Variants in TFEB observed in about 807,000 individuals in gnomAD.
TFEB encodes T-cell transcription factor EB.
In TFEB, 12 loss-of-function variants were observed where a neutral mutation model predicts 48.0. The ratio of observed to expected loss-of-function variants is 0.25; its 90% CI spans 0.16 to 0.40. The LOEUF is 0.40. Ranked by LOEUF, TFEB falls within the 10% of genes least tolerant of loss-of-function variation. TFEB has a pLI of 1.00. For missense variants in TFEB, 509 were observed against 640.3 expected, an observed-to-expected ratio of 0.79 and a Z score of 2.21; for synonymous variants, 244 against 261.4, an observed-to-expected ratio of 0.93 and a Z score of 0.64.
intron 1 of TFEB, among the ~76,000 whole-genome samples, chr6:41,714,185 A>ATTTGCATGCG: frequency 6.7e-6 from 1 of 149,992 alleles, no homozygotes; most frequent in Middle Eastern, 3.4e-3. Flanking sequence ...GTGTGTGTGC[A>ATTTGCATGCG]TGTGCATGCA....
At position 41,691,114 on chromosome 6, in the gene TFEB, T is replaced by G; in HGVS notation, c.100A>C (p.Met34Leu). The G allele has an allele frequency of 6.3e-7, 1 of 1,584,082 alleles. No homozygotes were observed. Residue 34 changes from methionine (M) to leucine (L), a missense_variant, in exon 2 of 9, where the codon ATG (methionine) becomes CTG (leucine). This residue lies in a region of TFEB where 251 missense variants were observed against 317.2 expected (regional missense o/e 0.79). Transcript: ENST00000373033. This position sits in a 1 kb window ranked among gnomAD's most constrained non-coding sequence, Gnocchi z 5.2. ...TGTTGCTGCTGCTGCTGCTGCTGCA[T>G]GTAATGCATGACAGCCTGTTGCTGC... ...RMQQQAVMHY[M>L]QQQQQQQQQQ...
In TFEB at chr6:41,734,098, G is replaced by A. The variant is rs1771565221; in HGVS notation, c.-23+1252C>T. The A allele has an allele frequency of 5.6e-6, 1 of 177,486 alleles. No individual in the cohort carries two copies. Among genetic ancestry groups the A allele is most frequent in the African/African-American group, 2.4e-5 (1 of 41,902 alleles). 11.0% of individuals were successfully genotyped at this position (177,486 alleles called of 1,614,324 possible). A position where few individuals can be genotyped will look rare whatever the true frequency, so the allele number is the denominator to read the frequency against. On this transcript the variant is annotated intron_variant, in intron 1 of 8. Transcript: ENST00000373033. The surrounding 1 kb of genome is among the most constrained non-coding windows in gnomAD (Gnocchi z 4.0). ...GCAGTAATTAACCTGCACTTCCCCA[G>A]CGAGCTCTAAGCCAAAAACTGCGCT...
At chr6:41,728,734 T>A (rs1771324183) in intron 1 of TFEB, among the ~76,000 whole-genome samples, 1 of 151,606 alleles carries the variant, frequency 6.6e-6, no homozygotes, top group African/African-American at 2.4e-5. Flanking sequence ...GAACAGACTG[T>A]GAGCCCTACA....
intron 1 of TFEB, among the ~76,000 whole-genome samples, chr6:41,708,563 A>T (rs1561863588): frequency 6.6e-6 from 1 of 152,188 alleles, no homozygotes; most frequent in Non-Finnish European, 1.5e-5. Context: ...AGATGCCCAC[A>T]GTCACCTTGC....
At chr6:41,728,214 G>A (rs923474033) in intron 1 of TFEB, among the ~76,000 whole-genome samples, 1 of 152,234 alleles carries the variant, frequency 6.6e-6, no homozygotes. Flanking sequence ...GCACCTTGCG[G>A]GAGAAGCTGT....
chr6:41,732,518 T>G, intron 1 of TFEB: 3 of 928,790 alleles, frequency 3.2e-6, no homozygotes, highest in Non-Finnish European at 3.9e-6. Context: ...CTTGTTTTAT[T>G]GTTACACTCT....
At chr6:41,689,680 G>A (rs746539154) in intron 4 of TFEB, 51 bp downstream of exon 4, 1 of 1,440,584 alleles carries the variant, frequency 6.9e-7, no homozygotes, top group Non-Finnish European at 9.8e-7. Flanking sequence ...CACAGTGGGT[G>A]CCCCCCTCCC....
In TFEB at chr6:41,697,408, C is replaced by CAAAAAAAAAAAAAAAA. The variant is rs56059829; in HGVS notation, c.-22-6189_-22-6174dup. On this transcript the variant is annotated intron_variant, in intron 1 of 8. Coordinates refer to ENST00000373033, the MANE Select transcript of TFEB (RefSeq NM_001271944.2). ...GGGCAACAAGAGTGAAACTCCATCT[C>CAAAAAAAAAAAAAAAA]AAAAAAAAAAAAAAAAAAAGAATGA... Among the ~76,000 whole-genome samples the CAAAAAAAAAAAAAAAA allele has an allele frequency of 2.9e-3, 186 of 63,364 alleles. 1 individual carries two copies. Among genetic ancestry groups the CAAAAAAAAAAAAAAAA allele is most frequent in the African/African-American group, 4.7e-3 (54 of 11,514 alleles). The allele number at this position is 63,364 out of a possible 152,430, so 41.6% of individuals were successfully genotyped here. A position where few individuals can be genotyped will look rare whatever the true frequency, so the allele number is the denominator to read the frequency against.
At chr6:41,708,683 C>T (rs555006919) in intron 1 of TFEB, among the ~76,000 whole-genome samples, 1 of 152,336 alleles carries the variant, frequency 6.6e-6, no homozygotes, top group Non-Finnish European at 1.5e-5. Context: ...CACTCATATC[C>T]TTGCCTCACC....
intron 8 of TFEB, 95 bp from the exon 9 acceptor site, chr6:41,685,173 C>T: frequency 1.5e-6 from 2 of 1,331,986 alleles, no homozygotes; most frequent in Non-Finnish European, 1.9e-6. Context: ...CTTGCCCCTG[C>T]CCTACGGCAC....
At chr6:41,685,762 A>G (rs756833158) in intron 8 of TFEB, among the ~76,000 whole-genome samples, 3 of 152,212 alleles carry the variant, frequency 2.0e-5, no homozygotes, top group South Asian at 2.1e-4. Flanking sequence ...GCATTGGCCA[A>G]GCCCATTGAA....
In TFEB at chr6:41,723,347, G is replaced by C; in HGVS notation, c.-23+12003C>G. The C allele has an allele frequency of 3.6e-6, 2 of 559,602 alleles. No individual in the cohort carries two copies. Among genetic ancestry groups the C allele is most frequent in the Non-Finnish European group, 6.0e-6 (2 of 331,766 alleles). The allele number at this position is 559,602 out of a possible 1,614,324, so 34.7% of individuals were successfully genotyped here. A position where few individuals can be genotyped will look rare whatever the true frequency, so the allele number is the denominator to read the frequency against. The stretch of plus-strand genomic sequence containing the variant: ...ACCCACCTCCCCAAAGACACCACAC[G>C]CATGCACATACACTCACACAGATGC... On this transcript the variant is annotated intron_variant, in intron 1 of 8. Transcript: ENST00000373033. The surrounding 1 kb of genome is among the most constrained non-coding windows in gnomAD (Gnocchi z 6.0).
In TFEB at chr6:41,709,070, G is replaced by C. The variant is rs564080017; in HGVS notation, c.-22-17835C>G. ...AAATGCCAGTAGGACTAGAAGCCCA[G>C]CATTGCCTTCTGCCCCCAGGCTGCT... is the stretch of plus-strand genomic sequence containing the variant. On this transcript the variant is annotated intron_variant, in intron 1 of 8. Transcript: ENST00000373033. Among the ~76,000 whole-genome samples, 5 of 152,350 alleles carry C rather than the reference G, an allele frequency of 3.3e-5. No homozygotes were observed. In the East Asian group the frequency reaches 9.6e-4, roughly 29 times the overall value.
At chr6:41,689,839 A>T in intron 3 of TFEB, 28 bp from the exon 4 acceptor site, 1 of 1,595,760 alleles carries the variant, frequency 6.3e-7, no homozygotes, top group Non-Finnish European at 8.6e-7. Context: ...CCATCTGGGG[A>T]GGGCCCACCA....
At chr6:41,700,822 C>T (rs1769879799) in intron 1 of TFEB, among the ~76,000 whole-genome samples, 1 of 152,228 alleles carries the variant, frequency 6.6e-6, no homozygotes, top group Non-Finnish European at 1.5e-5. Flanking sequence ...TCACATCCCA[C>T]AGGAAAGGGT....
chr6:41,698,983 C>G (rs1039314638), intron 1 of TFEB, among the ~76,000 whole-genome samples: 1 of 152,134 alleles, frequency 6.6e-6, no homozygotes, highest in Non-Finnish European at 1.5e-5. Flanking sequence ...ATCAGATGGC[C>G]CAGACCCAAA....
chr6:41,687,363 CAATT>C (rs142002176), intron 6 of TFEB, among the ~76,000 whole-genome samples, 194 bp from the exon 7 acceptor site: 202 of 152,286 alleles, frequency 1.3e-3, no homozygotes, highest in African/African-American at 4.5e-3. Flanking sequence ...AGGCCAGACA[CAATT>C]AAGAGCACTG....
intron 1 of TFEB, among the ~76,000 whole-genome samples, chr6:41,731,616 C>T (rs920988921): frequency 3.9e-5 from 6 of 152,208 alleles, no homozygotes; most frequent in Admixed American, 3.9e-4. Flanking sequence ...AAAGCAGAGA[C>T]CTGCCCAGCC....
At chr6:41,725,264 G>A (rs1302455536) in intron 1 of TFEB, among the ~76,000 whole-genome samples, 4 of 152,184 alleles carry the variant, frequency 2.6e-5, no homozygotes, top group African/African-American at 7.2e-5. Context: ...ATGTTTAGTG[G>A]TATCCCTGGC....
Sources: gnomAD v4.1 joint callset for allele counts (sites outside exome capture counted in the v4.1 genomes callset) on GRCh38, gnomAD v4.1.1 for gene constraint, gnomAD v4.1.1 regional missense constraint, Gnocchi (gnomAD v3.1) non-coding constraint, MANE v1.5 for transcripts, NCBI Gene and HGNC (gene_info 2026-07-23, HGNC 2026-07-21) for gene names.